Variants in CHTF18 observed in about 807,000 individuals in gnomAD.
CHTF18 encodes the protein chromosome transmission fidelity factor 18.
A neutral mutation model predicts 113.4 loss-of-function variants in CHTF18; 151 were observed. That is an observed-to-expected ratio of 1.33 (90% CI 1.17 to 1.52). CHTF18 has a LOEUF of 1.52. Ranked by LOEUF, CHTF18 falls within the 40% of genes most tolerant of loss-of-function variation. The probability of loss-of-function intolerance (pLI) is 0.00; values close to 1 mark genes in which losing one functional copy is unlikely to be tolerated. For missense variants in CHTF18, 1,982 were observed against 1,381.6 expected, an observed-to-expected ratio of 1.43 and a Z score of -6.89; for synonymous variants, 916 against 598.8, an observed-to-expected ratio of 1.53 and a Z score of -7.74.
chr16:792,222 A>G lies in CHTF18; in HGVS notation c.1203-2A>G, dbSNP rs1244492004. On this transcript the variant is annotated splice_acceptor_variant, in intron 9 of 21. Transcript: ENST00000262315. LOFTEE classifies it high-confidence loss of function. ...TGACGACCCCTGACCTCCCCATTGC[A>G]GTGACGACCGTAGCCCGGAGGTCTT... 1 of 1,571,476 alleles carries G rather than the reference A, an allele frequency of 6.4e-7. No individual in the cohort carries two copies. The highest frequency in any genetic ancestry group is 1.8e-5 in the Admixed American group (1 of 54,848).
chr16:793,928 A>C, intron 14 of CHTF18, 126 bp from the exon 15 acceptor site: 8 of 1,046,624 alleles, frequency 7.6e-6, no homozygotes, highest in Non-Finnish European at 1.1e-5. Flanking sequence ...CGAGGCAGCA[A>C]GGGCCCTGCT....
intron 6 of CHTF18, 37 bp downstream of exon 6, chr16:790,436 T>G (rs1272497885): frequency 4.3e-6 from 7 of 1,611,798 alleles, no homozygotes; most frequent in Admixed American, 3.3e-5. Flanking sequence ...GGGACCCTTG[T>G]TGGCTCTTGC....
At chr16:793,616 T>C in intron 14 of CHTF18, 1 of 526,894 alleles carries the variant, frequency 1.9e-6, no homozygotes, top group Non-Finnish European at 3.5e-6. Flanking sequence ...CTGTGGTCTC[T>C]GAGCCCCTGC....
In CHTF18 at chr16:794,181, G is replaced by A. The variant is rs767341732; in HGVS notation, c.1930G>A (p.Glu644Lys). The A allele has an allele frequency of 3.1e-6, 5 of 1,612,046 alleles. No individual in the cohort carries two copies. The highest frequency in any genetic ancestry group is 2.2e-5 in the East Asian group (1 of 44,858). ...RVLHAAASAG[E>K]HEKVVQGLFD... is the part of the protein sequence containing the mutation. ...CCTGCATGCCGCTGCCTCTGCGGGC[G>A]AGCACGAGAAGGTGGTCCAGGTACC... is the stretch of plus-strand genomic sequence containing the variant. The change falls in exon 15 of 22, where the codon GAG becomes AAG. Residue 644 changes from glutamate to lysine, a missense_variant. By Grantham distance (56) the Glu-to-Lys change is moderately conservative. Transcript: ENST00000262315.
intron 8 of CHTF18, chr16:791,598 G>T (rs771322986): frequency 1.4e-6 from 2 of 1,431,294 alleles, no homozygotes; most frequent in Non-Finnish European, 1.8e-6. Flanking sequence ...CTGGGTGGAC[G>T]GTGGGTGGTT....
intron 4 of CHTF18, 175 bp from the exon 5 acceptor site, chr16:790,002 T>G: frequency 6.5e-7 from 1 of 1,535,430 alleles, no homozygotes; most frequent in Non-Finnish European, 8.7e-7. Context: ...AATTTCCCTT[T>G]GCAGCTGACC....
In CHTF18 at chr16:793,059, C is replaced by T. The variant is rs1387729179; in HGVS notation, c.1666C>T (p.Leu556=). The stretch of plus-strand genomic sequence containing the variant: ...TGACATCCGGGCCTGCATCAACACC[C>T]TGCAGGTGGGCGGCCGGCAGGCACC... ...DNDIRACINT[L]QFLYSRGQRE... Residue 556 remains leucine, a synonymous_variant, in exon 13 of 22, where the codon CTG becomes TTG. Coordinates refer to ENST00000262315, the MANE Select transcript of CHTF18 (RefSeq NM_022092.3). The T allele has an allele frequency of 4.2e-6, 6 of 1,416,976 alleles. No individual in the cohort carries two copies. The highest frequency in any genetic ancestry group is 1.2e-5 in the South Asian group (1 of 81,586). 87.8% of individuals were successfully genotyped at this position (1,416,976 alleles called of 1,614,324 possible). A position where few individuals can be genotyped will look rare whatever the true frequency, so the allele number is the denominator to read the frequency against.
chr16:797,593 C>A (rs754151400), intron 20 of CHTF18, 101 bp from the exon 21 acceptor site: 2 of 1,314,954 alleles, frequency 1.5e-6, no homozygotes, highest in Non-Finnish European at 2.1e-6. Flanking sequence ...CAGAGGTGTT[C>A]TGGTCCCTCC....
intron 6 of CHTF18, 28 bp downstream of exon 6, chr16:790,427 G>C (rs1372854474): frequency 6.2e-7 from 1 of 1,612,042 alleles, no homozygotes; most frequent in Non-Finnish European, 8.5e-7. Flanking sequence ...TCCGCCCTGG[G>C]GACCCTTGTT....
chr16:791,412 T>A lies in CHTF18; in HGVS notation c.1104+42T>A, dbSNP rs201924399. The A allele has an allele frequency of 4.7e-5, 73 of 1,545,718 alleles. 3 individuals are homozygous for A. In the Admixed American group the frequency reaches 1.1e-3, roughly 24 times the overall value. The stretch of plus-strand genomic sequence containing the variant: ...GTGCCGCCGGGAACAAGCCTGAGGC[T>A]TTGCACTCGGCGCCGGCACCCTTGC... On this transcript the variant is annotated intron_variant, in intron 8 of 21. Coordinates refer to ENST00000262315, the MANE Select transcript of CHTF18 (RefSeq NM_022092.3).
At position 788,645 on chromosome 16, in the gene CHTF18, C is replaced by T. The variant is rs1389716833; in HGVS notation, c.-40C>T. 8.3e-6 allele frequency: 12 copies of T among 1,446,316 alleles called. No individual in the cohort carries two copies. The East Asian group carries it at 1.2e-4, about 14-fold the overall frequency. 89.6% of individuals were successfully genotyped at this position (1,446,316 alleles called of 1,614,324 possible). On this transcript the variant is annotated 5_prime_UTR_variant, in exon 1 of 22. Transcript: ENST00000262315. Reference sequence around the variant, plus strand: ...GGGCAGTGCGCGACGGCGGCGGCGGCGCGGGAGGTTCGGAGCGGGAGCTCG... The same window carrying T: ...GGGCAGTGCGCGACGGCGGCGGCGGTGCGGGAGGTTCGGAGCGGGAGCTCG...
chr16:792,058 G>T lies in CHTF18; in HGVS notation c.1202+110G>T, dbSNP rs1209020730. 5 of 1,540,210 alleles carry T rather than the reference G, an allele frequency of 3.2e-6. No individual in the cohort carries two copies. In the South Asian group the frequency reaches 6.0e-5, roughly 19 times the overall value. On this transcript the variant is annotated intron_variant, in intron 9 of 21. Transcript: ENST00000262315. ...TGTTCCCGTCTTGAGGGTGGTGGGG[G>T]CCTGGGTGTGTGGGCCGGGAAAACG...
chr16:795,161 G>T lies in CHTF18; in HGVS notation c.1980G>T (p.Arg660=), dbSNP rs766127284. The T allele has an allele frequency of 5.8e-5, 90 of 1,554,574 alleles. 1 individual carries two copies. In the South Asian group the frequency reaches 1.0e-3, roughly 18 times the overall value. The change falls in exon 16 of 22, where the codon CGG becomes CGT. Residue 660 remains arginine (R), a synonymous_variant. Transcript: ENST00000262315. ...QGLFDNFLRL[R]LRDSSLGAVC... is the part of the protein sequence containing the mutation. ...TGTTTGACAACTTCCTGCGTCTGCG[G>T]CTGCGAGACTCCAGCCTGGGTGCTG...
rs376732396 is a variant in CHTF18 at position 795,657 on chromosome 16, C to T, written c.2176-28C>T. ...CCCCTCGCCCGGGAGGCCCAGGTGA[C>T]CAGGCCTTGGCTCACCCCCTGCCCC... is the stretch of plus-strand genomic sequence containing the variant. On this transcript the variant is annotated intron_variant, in intron 16 of 21. Coordinates refer to ENST00000262315, the MANE Select transcript of CHTF18 (RefSeq NM_022092.3). 58 of 1,535,152 alleles carry T rather than the reference C, an allele frequency of 3.8e-5. No individual in the cohort carries two copies. The African/African-American group carries it at 7.3e-4, about 19-fold the overall frequency.
Position 797,978 on chromosome 16 carries a change from C to T in CHTF18, c.*3C>T, listed in dbSNP as rs1290067517. The stretch of plus-strand genomic sequence containing the variant: ...TGTACATCAGGGACTTGCTCTAGTT[C>T]TCTGAGCCGCGGACATGCCCTCGCA... On this transcript the variant is annotated 3_prime_UTR_variant, in exon 22 of 22. Transcript: ENST00000262315. The T allele has an allele frequency of 4.4e-6, 7 of 1,608,696 alleles. No individual in the cohort carries two copies. The highest frequency in any genetic ancestry group is 1.6e-4 in the Middle Eastern group (1 of 6,072).
Position 789,286 on chromosome 16 carries a change from C to A in CHTF18, c.363C>A (p.Pro121=). The change falls in exon 3 of 22, where the codon CCC becomes CCA. Residue 121 remains proline (P), a synonymous_variant. Coordinates refer to ENST00000262315, the MANE Select transcript of CHTF18 (RefSeq NM_022092.3). ...GATCGGAGGAGATGGAGGAGCCGCCCCCTCCCGACTCCTCGCCGACGGACA... is the reference window on the plus strand; with the variant it reads ...GATCGGAGGAGATGGAGGAGCCGCCACCTCCCGACTCCTCGCCGACGGACA... The part of the protein sequence containing the change: ...NFRSEEMEEP[P]PPDSSPTDIT... 6.3e-7 allele frequency: 1 copy of A among 1,586,058 alleles called. No homozygotes were observed. The highest frequency in any genetic ancestry group is 1.3e-5 in the African/African-American group (1 of 74,290).
chr16:790,766 C>T (rs146163199), intron 7 of CHTF18, 100 bp downstream of exon 7: 325 of 1,440,824 alleles, frequency 2.3e-4, no homozygotes, highest in African/African-American at 6.7e-4. Flanking sequence ...CACTGGGCCT[C>T]GGAGACGGAG....
intron 18 of CHTF18, 146 bp downstream of exon 18, chr16:796,223 T>A: frequency 9.1e-7 from 1 of 1,098,372 alleles, no homozygotes; most frequent in Non-Finnish European, 1.3e-6. Flanking sequence ...TGCTCAGATG[T>A]AACCGTGAAG....
At chr16:793,789 G>T (rs1242336589) in intron 14 of CHTF18, 2 of 662,454 alleles carry the variant, frequency 3.0e-6, no homozygotes, top group East Asian at 5.5e-5. Flanking sequence ...ACCCGGAGGG[G>T]GACTTTCCCT....
Sources: gnomAD v4.1 joint callset for allele counts on GRCh38, gnomAD v4.1.1 for gene constraint, MANE v1.5 for transcripts, NCBI Gene and HGNC (gene_info 2026-07-23, HGNC 2026-07-21) for gene names.